The following OXSR1 variants were observed in gnomAD, a reference collection of about 807,000 sequenced individuals.
OXSR1 encodes serine/threonine-protein kinase OSR1.
OXSR1 carries 24 observed loss-of-function variants against 79.8 expected under a neutral mutation model. The ratio of observed to expected loss-of-function variants is 0.30; its 90% CI spans 0.22 to 0.42. OXSR1 has a LOEUF of 0.42. Among genes scored for constraint, OXSR1 ranks in the 10% least tolerant of loss-of-function variants. The pLI is 1.00. For synonymous variants in OXSR1, 226 were observed against 209.2 expected, an observed-to-expected ratio of 1.08 and a Z score of -0.69; for missense variants, 430 against 618.4, an observed-to-expected ratio of 0.70 and a Z score of 3.23.
At chr3:38,182,166 T>G (rs1701798621) in intron 1 of OXSR1, among the ~76,000 whole-genome samples, 1 of 152,254 alleles carries the variant, frequency 6.6e-6, no homozygotes, top group African/African-American at 2.4e-5. Flanking sequence ...TTTTTTCTGT[T>G]TTATTCTTCT....
intron 8 of OXSR1, 54 bp from the exon 9 acceptor site, chr3:38,229,633 C>T: frequency 1.4e-6 from 2 of 1,443,900 alleles, no homozygotes; most frequent in Non-Finnish European, 1.9e-6. Flanking sequence ...TGGAATCTGA[C>T]ATTACACTTG....
At chr3:38,178,615 TATA>T (rs1418264872) in intron 1 of OXSR1, among the ~76,000 whole-genome samples, 9 of 90,604 alleles carry the variant, frequency 9.9e-5, no homozygotes, top group East Asian at 2.8e-4. Context: ...TATATATATA[TATA>T]TATTTTTTTT....
intron 12 of OXSR1, 119 bp downstream of exon 12, chr3:38,242,897 A>G (rs578026386): frequency 5.4e-5 from 27 of 499,786 alleles, no homozygotes; most frequent in Non-Finnish European, 8.6e-5. Flanking sequence ...CTTTATACCA[A>G]TCGAATTTTA....
chr3:38,235,456 A>C (rs889207297), intron 10 of OXSR1, among the ~76,000 whole-genome samples: 2 of 152,226 alleles, frequency 1.3e-5, no homozygotes, highest in Non-Finnish European at 2.9e-5. Context: ...GAAAAGGAGA[A>C]CTGAGAAAAA....
At chr3:38,216,854 G>A (rs903690676) in intron 5 of OXSR1, among the ~76,000 whole-genome samples, 9 of 152,218 alleles carry the variant, frequency 5.9e-5, no homozygotes, top group Admixed American at 3.9e-4. Context: ...CTTCATGTCC[G>A]TGAGGTAAGG....
chr3:38,229,149 G>A (rs978792052), intron 8 of OXSR1, among the ~76,000 whole-genome samples: 7 of 152,058 alleles, frequency 4.6e-5, no homozygotes, highest in Non-Finnish European at 1.0e-4. Flanking sequence ...TTAAATTTGG[G>A]GAATATACTT....
At chr3:38,245,042 A>G (rs779190605) in intron 12 of OXSR1, among the ~76,000 whole-genome samples, 10 of 152,192 alleles carry the variant, frequency 6.6e-5, no homozygotes, top group Non-Finnish European at 1.0e-4. Flanking sequence ...ATTAATAATT[A>G]ACATTTTCAA....
chr3:38,194,455 T>C (rs768249984), intron 3 of OXSR1, among the ~76,000 whole-genome samples: 2 of 152,124 alleles, frequency 1.3e-5, no homozygotes, highest in Non-Finnish European at 2.9e-5. Flanking sequence ...GGAGGATAGC[T>C]TGAGGCCAGG....
intron 2 of OXSR1, among the ~76,000 whole-genome samples, chr3:38,187,659 A>G (rs2125812209): frequency 1.3e-5 from 2 of 152,334 alleles, no homozygotes; most frequent in East Asian, 3.9e-4. Flanking sequence ...TAAATAGTTC[A>G]AACAAAAAAT....
chr3:38,166,077 C>T (rs2125795426), intron 1 of OXSR1, 131 bp downstream of exon 1: 1 of 755,124 alleles, frequency 1.3e-6, no homozygotes, highest in Admixed American at 2.2e-5. Context: ...GGGCTGGGGG[C>T]TTGTAGGACG....
chr3:38,193,290 T>G, intron 3 of OXSR1: 1 of 1,289,760 alleles, frequency 7.8e-7, no homozygotes, highest in Non-Finnish European at 1.0e-6. Context: ...AGTGACACAC[T>G]GGAGAAACTG....
chr3:38,185,198 A>G (rs938163502), intron 2 of OXSR1, among the ~76,000 whole-genome samples: 1 of 152,022 alleles, frequency 6.6e-6, no homozygotes, highest in Non-Finnish European at 1.5e-5. Flanking sequence ...ATTTAAATCC[A>G]TTTGGAAATC....
At chr3:38,231,714 A>G (rs1189715065) in intron 10 of OXSR1, among the ~76,000 whole-genome samples, 2 of 152,126 alleles carry the variant, frequency 1.3e-5, no homozygotes, top group Admixed American at 6.5e-5. Context: ...ATATATTTTT[A>G]TGCTTATTAA....
intron 12 of OXSR1, among the ~76,000 whole-genome samples, chr3:38,243,056 A>G (rs1703068535): frequency 6.7e-6 from 1 of 150,206 alleles, no homozygotes; most frequent in African/African-American, 2.4e-5. Flanking sequence ...ATTTTGAGAC[A>G]GGGTCTTACT....
At chr3:38,172,679 G>A (rs1255426941) in intron 1 of OXSR1, among the ~76,000 whole-genome samples, 1 of 152,204 alleles carries the variant, frequency 6.6e-6, no homozygotes, top group Non-Finnish European at 1.5e-5. Flanking sequence ...TTTCAATAGA[G>A]TGGTGCTTAA....
intron 4 of OXSR1, among the ~76,000 whole-genome samples, chr3:38,205,826 T>A (rs916608573): frequency 1.3e-5 from 2 of 152,222 alleles, no homozygotes; most frequent in African/African-American, 2.4e-5. Flanking sequence ...TCAGTGTTCT[T>A]ACCTGAAGTG....
intron 11 of OXSR1, among the ~76,000 whole-genome samples, chr3:38,238,651 A>G (rs1044978191): frequency 1.3e-5 from 2 of 151,998 alleles, no homozygotes; most frequent in East Asian, 1.9e-4. Context: ...TCTTGCTTGC[A>G]TCTTTCCACT....
At chr3:38,191,525 A>G (rs975740984) in intron 3 of OXSR1, among the ~76,000 whole-genome samples, 1 of 151,628 alleles carries the variant, frequency 6.6e-6, no homozygotes, top group South Asian at 2.1e-4. Context: ...GTAGTCCTCT[A>G]TTTCTTGTAT....
chr3:38,228,331 T>A (rs1449227240), intron 8 of OXSR1, among the ~76,000 whole-genome samples: 12 of 152,172 alleles, frequency 7.9e-5, no homozygotes, highest in African/African-American at 2.7e-4. Context: ...ATCACATTGT[T>A]GAGCATATTG....
Sources: allele counts gnomAD v4.1 joint callset (sites outside exome capture counted in the v4.1 genomes callset), GRCh38; gene constraint gnomAD v4.1.1; transcripts MANE v1.5; gene names NCBI Gene and HGNC (gene_info 2026-07-23, HGNC 2026-07-21).